Variants in DEUP1 observed in about 807,000 individuals in gnomAD.
The protein encoded by DEUP1 is deuterosome assembly protein 1.
DEUP1 carries 82 observed loss-of-function variants against 87.4 expected under a neutral mutation model. The observed-to-expected ratio is 0.94, with a 90% CI of 0.78 to 1.13. The LOEUF is 1.13. Ranked by LOEUF, DEUP1 falls within the 50% of genes most tolerant of loss-of-function variation. The pLI, the probability that DEUP1 is intolerant of heterozygous loss-of-function variation, is 0.00. For missense variants in DEUP1, 663 were observed against 681.5 expected (o/e 0.97, Z 0.30); for synonymous variants, 214 against 222.7 (o/e 0.96, Z 0.35).
intron 13 of DEUP1, among the ~76,000 whole-genome samples, chr11:93,436,729 C>A (rs1380979192): frequency 2.0e-5 from 3 of 152,024 alleles, no homozygotes; most frequent in Admixed American, 6.6e-5. Context: ...ATTCTTCCTA[C>A]CAAAATGAAA....
intron 2 of DEUP1, among the ~76,000 whole-genome samples, chr11:93,335,533 T>G (rs1196364737): frequency 1.3e-5 from 2 of 152,230 alleles, no homozygotes; most frequent in East Asian, 1.9e-4. Flanking sequence ...TAGTCCTTCT[T>G]GTATTACTAA....
At chr11:93,437,052 C>T (rs1003883304) in intron 13 of DEUP1, among the ~76,000 whole-genome samples, 14 of 152,104 alleles carry the variant, frequency 9.2e-5, no homozygotes, top group African/African-American at 3.4e-4. Context: ...ACTAGGGAGC[C>T]ACCTCCACCC....
At chr11:93,383,349 T>G in intron 7 of DEUP1, 1 of 351,478 alleles carries the variant, frequency 2.8e-6, no homozygotes, top group Non-Finnish European at 5.1e-6. Context: ...TATGCTACAT[T>G]AAAGAGGGCA....
chr11:93,427,126 T>TTA (rs930031717), intron 13 of DEUP1, among the ~76,000 whole-genome samples: 14 of 148,738 alleles, frequency 9.4e-5, no homozygotes, highest in Non-Finnish European at 5.9e-5. Context: ...AGAAACTACT[T>TTA]TAAAGTTCAT....
In DEUP1 at chr11:93,389,089, G is replaced by T; in HGVS notation, c.1005G>T (p.Met335Ile). ...AAATAAAAGAGCTGTTTTCAGTGAT[G>T]CAAGATCAACCAAATCATGAAAAAG... ...ERKIKELFSV[M>I]QDQPNHEKEL... The change falls in exon 9 of 14, where the codon ATG (methionine) becomes ATT (isoleucine). Residue 335 changes from methionine to isoleucine, a missense_variant. Transcript: ENST00000298050. 9.4e-6 allele frequency: 15 copies of T among 1,601,750 alleles called. No homozygotes were observed. Among genetic ancestry groups the T allele is most frequent in the Non-Finnish European group, 1.3e-5 (15 of 1,173,920 alleles).
chr11:93,407,221 A>C (rs1389768719), intron 11 of DEUP1, among the ~76,000 whole-genome samples: 4 of 152,034 alleles, frequency 2.6e-5, no homozygotes, highest in Non-Finnish European at 5.9e-5. Context: ...AAAAAAACTG[A>C]ATTCAACAAT....
At chr11:93,400,003 T>C (rs1038030532) in intron 11 of DEUP1, among the ~76,000 whole-genome samples, 37 of 152,164 alleles carry the variant, frequency 2.4e-4, no homozygotes, top group Admixed American at 1.3e-4. Flanking sequence ...AGAGTTGTTA[T>C]TAAGAATTGC....
At chr11:93,382,840 C>A (rs1368782335) in intron 7 of DEUP1, among the ~76,000 whole-genome samples, 1 of 152,118 alleles carries the variant, frequency 6.6e-6, no homozygotes, top group Non-Finnish European at 1.5e-5. Flanking sequence ...TTTAATCTTG[C>A]CTGAAAAATC....
intron 9 of DEUP1, among the ~76,000 whole-genome samples, chr11:93,394,028 AG>A (rs1211748607): frequency 2.6e-5 from 4 of 152,216 alleles, no homozygotes; most frequent in African/African-American, 9.6e-5. Flanking sequence ...AGCCTATTTT[AG>A]TTTTAAAAAA....
At chr11:93,381,373 A>C (rs1946295902) in intron 7 of DEUP1, among the ~76,000 whole-genome samples, 1 of 152,204 alleles carries the variant, frequency 6.6e-6, no homozygotes, top group Non-Finnish European at 1.5e-5. Context: ...GTTCCACATC[A>C]TACACATAAA....
intron 1 of DEUP1, among the ~76,000 whole-genome samples, chr11:93,331,382 A>G (rs1293022896): frequency 8.8e-6 from 1 of 113,180 alleles, no homozygotes; most frequent in South Asian, 2.5e-4. Flanking sequence ...TTTTTTTTTT[A>G]CTTTAGGCAA....
intron 11 of DEUP1, among the ~76,000 whole-genome samples, chr11:93,405,311 G>A (rs576356680): frequency 1.3e-5 from 2 of 152,024 alleles, no homozygotes; most frequent in South Asian, 4.2e-4. Flanking sequence ...TTTAGAATAA[G>A]CACTCCTTTA....
chr11:93,418,819 T>G (rs1947750194), intron 13 of DEUP1, among the ~76,000 whole-genome samples: 1 of 152,108 alleles, frequency 6.6e-6, no homozygotes, highest in Admixed American at 6.6e-5. Flanking sequence ...TAAGAAAATG[T>G]GGCACATATA....
At chr11:93,360,156 T>G (rs1243857623) in intron 4 of DEUP1, among the ~76,000 whole-genome samples, 1 of 152,122 alleles carries the variant, frequency 6.6e-6, no homozygotes, top group Non-Finnish European at 1.5e-5. Flanking sequence ...TCAATCAAAG[T>G]GTATTAGTGA....
chr11:93,394,767 A>C (rs1474304254), intron 10 of DEUP1, 111 bp downstream of exon 10: 1 of 733,750 alleles, frequency 1.4e-6, no homozygotes, highest in Non-Finnish European at 2.1e-6. Flanking sequence ...ATTATTTCTG[A>C]GACTAGCTTC....
At chr11:93,353,228 G>T (rs1027509083) in intron 2 of DEUP1, among the ~76,000 whole-genome samples, 5 of 152,156 alleles carry the variant, frequency 3.3e-5, no homozygotes, top group Admixed American at 1.3e-4. Context: ...TTGAAATCCA[G>T]CAGGGCAGCT....
At chr11:93,364,040 T>C in intron 4 of DEUP1, 120 bp from the exon 5 acceptor site, 1 of 698,514 alleles carries the variant, frequency 1.4e-6, no homozygotes, top group Non-Finnish European at 2.4e-6. Context: ...ACATTTAAGC[T>C]TTACTGCACT....
intron 4 of DEUP1, among the ~76,000 whole-genome samples, chr11:93,362,039 A>G (rs565243719): frequency 6.6e-6 from 1 of 152,170 alleles, no homozygotes; most frequent in African/African-American, 2.4e-5. Flanking sequence ...TTGGAGCCCT[A>G]CCTTAAACCA....
At chr11:93,385,265 G>C in intron 7 of DEUP1, 133 bp from the exon 8 acceptor site, 2 of 816,388 alleles carry the variant, frequency 2.4e-6, no homozygotes, top group South Asian at 3.3e-5. Flanking sequence ...AATTCTATGA[G>C]ACAGAACAAG....
Sources: allele counts gnomAD v4.1 joint callset (sites outside exome capture counted in the v4.1 genomes callset), GRCh38; gene constraint gnomAD v4.1.1; transcripts MANE v1.5; gene names NCBI Gene and HGNC (gene_info 2026-07-23, HGNC 2026-07-21).